NSD3: variants seen among roughly 807,000 people sequenced by gnomAD.
The protein encoded by NSD3 is nuclear receptor binding SET domain protein 3.
Under a neutral mutation model 160.8 loss-of-function variants are expected in NSD3, and 24 were observed. The ratio of observed to expected loss-of-function variants is 0.15; its 90% CI spans 0.11 to 0.21. The LOEUF (loss-of-function observed/expected upper bound fraction) is 0.21, where lower values mean the gene tolerates loss of function less well. Among genes scored for constraint, NSD3 ranks in the 10% least tolerant of loss-of-function variants. The pLI is 1.00. For synonymous variants in NSD3, 520 were observed against 600.0 expected, an observed-to-expected ratio of 0.87 and a Z score of 1.95; for missense variants, 1,157 against 1,735.9, an observed-to-expected ratio of 0.67 and a Z score of 5.93.
chr8:38,301,360 C>T (rs1423982240), intron 14 of NSD3, among the ~76,000 whole-genome samples: 1 of 152,184 alleles, frequency 6.6e-6, no homozygotes, highest in South Asian at 2.1e-4. Flanking sequence ...GGCGGATCAG[C>T]TGAGGTCGGG....
chr8:38,348,824 C>G (rs573302291), intron 1 of NSD3, among the ~76,000 whole-genome samples: 18 of 152,160 alleles, frequency 1.2e-4, no homozygotes, highest in African/African-American at 3.1e-4. Context: ...CCACGCCCAG[C>G]TAATTTTTGT....
intron 1 of NSD3, among the ~76,000 whole-genome samples, chr8:38,375,014 T>A (rs1007089456): frequency 6.6e-6 from 1 of 151,798 alleles, no homozygotes; most frequent in Middle Eastern, 3.2e-3. Context: ...GAAAAAAAAA[T>A]TTAAAAATAA....
At chr8:38,362,813 G>GT (rs1445201529) in intron 1 of NSD3, among the ~76,000 whole-genome samples, 6 of 152,122 alleles carry the variant, frequency 3.9e-5, no homozygotes, top group Non-Finnish European at 2.9e-5. Context: ...TATGAACAGC[G>GT]TAAGAGAAAC....
At chr8:38,370,380 A>ATTT (rs550018393) in intron 1 of NSD3, among the ~76,000 whole-genome samples, 3 of 137,410 alleles carry the variant, frequency 2.2e-5, no homozygotes, top group African/African-American at 5.3e-5. Flanking sequence ...GTCCAGGAGA[A>ATTT]TTTTTTTTTT....
rs1811242459 is a variant in NSD3, at chr8:38,371,536, C to T, written c.-45+10263G>A. 2.0e-5 allele frequency among the ~76,000 whole-genome samples: 3 copies of T among 152,266 alleles called. No individual in the cohort carries two copies. The East Asian group carries it at 5.8e-4, about 29-fold the overall frequency. ...TTCAAGATTTAAAATCGCTATCGCCCATGCAGGGGAAAAATTAGCAAGAAA... is the reference window on the plus strand; with the variant it reads ...TTCAAGATTTAAAATCGCTATCGCCTATGCAGGGGAAAAATTAGCAAGAAA... On this transcript the variant is annotated intron_variant, in intron 1 of 23. Transcript: ENST00000317025.
chr8:38,330,570 G>T (rs553975474), intron 5 of NSD3, among the ~76,000 whole-genome samples: 30 of 152,266 alleles, frequency 2.0e-4, no homozygotes, highest in African/African-American at 7.2e-4. Context: ...GAGCAATTAG[G>T]AATTATCCAG....
At chr8:38,350,222 A>T (rs1190459272) in intron 1 of NSD3, among the ~76,000 whole-genome samples, 1 of 152,160 alleles carries the variant, frequency 6.6e-6, no homozygotes, top group Non-Finnish European at 1.5e-5. Flanking sequence ...GCCTGGGTCA[A>T]ATGGTATTTC....
chr8:38,357,118 C>CAAAAAAAAAAAAAAAAAAAAAAAAAAAA (rs966483645), intron 1 of NSD3, among the ~76,000 whole-genome samples: 1 of 21,314 alleles, frequency 4.7e-5, no homozygotes, highest in Non-Finnish European at 8.3e-5. Context: ...GACACCATCT[C>CAAAAAAAAAAAAAAAAAAAAAAAAAAAA]AAAAAAAAAA....
intron 23 of NSD3, 87 bp downstream of exon 23, chr8:38,276,209 C>A: frequency 7.1e-7 from 1 of 1,400,220 alleles, no homozygotes; most frequent in African/African-American, 1.4e-5. Context: ...TTCAACATTT[C>A]CTATCCCATG....
chr8:38,316,921 G>A lies in NSD3; in HGVS notation c.1856-879C>T, dbSNP rs1471509582. Reference sequence around the variant, plus strand: ...GTATAGGCTATACAGAAACAGCCACGATGAAATGTGCAGATCAGGCACGGT... The same window carrying A: ...GTATAGGCTATACAGAAACAGCCACAATGAAATGTGCAGATCAGGCACGGT... On this transcript the variant is annotated intron_variant, in intron 9 of 23. Coordinates refer to ENST00000317025, the MANE Select transcript of NSD3 (RefSeq NM_023034.2). The surrounding 1 kb of genome is among the most constrained non-coding windows in gnomAD (Gnocchi z 4.5). 4 of 1,062,094 alleles carry A rather than the reference G, an allele frequency of 3.8e-6. No individual in the cohort carries two copies. The highest frequency in any genetic ancestry group is 4.6e-5 in the South Asian group (1 of 21,956). The allele number at this position is 1,062,094 out of a possible 1,614,324, so 65.8% of individuals were successfully genotyped here.
intron 20 of NSD3, 71 bp from the exon 21 acceptor site, chr8:38,279,752 G>A (rs552825743): frequency 6.6e-7 from 1 of 1,517,144 alleles, no homozygotes; most frequent in Non-Finnish European, 8.9e-7. Context: ...CTCAGTCAAG[G>A]ATCACAGGCA....
chr8:38,338,730 A>C, intron 2 of NSD3, 123 bp from the exon 3 acceptor site: 2 of 761,914 alleles, frequency 2.6e-6, no homozygotes, highest in Non-Finnish European at 4.5e-6. Flanking sequence ...GGCATTTATT[A>C]ACTGAACAAT....
At position 38,378,008 on chromosome 8, in the gene NSD3, C is replaced by T. The variant is rs74702456; in HGVS notation, c.-45+3791G>A. Among the ~76,000 whole-genome samples, 405 of 152,274 alleles carry T rather than the reference C, an allele frequency of 2.7e-3. 1 individual carries two copies. The highest frequency in any genetic ancestry group is 9.4e-3 in the African/African-American group (390 of 41,562). ...GAAAATATTTTAAGAGAAATATACA[C>T]ATACATGCATAGAAGTTTTCCAGAG... On this transcript the variant is annotated intron_variant, in intron 1 of 23. Transcript: ENST00000317025.
rs1809723751 is a variant in NSD3 at position 38,318,576 on chromosome 8, C to CA, written c.1855+318dup. On this transcript the variant is annotated intron_variant, in intron 9 of 23. Coordinates refer to ENST00000317025, the MANE Select transcript of NSD3 (RefSeq NM_023034.2). This position sits in a 1 kb window ranked among gnomAD's most constrained non-coding sequence, Gnocchi z 5.3. The stretch of plus-strand genomic sequence containing the variant: ...TACTATTCGGTATTCAGTCGAATAC[C>CA]AAAAAAAGTGGATTCGTCACATCCC... Among the ~76,000 whole-genome samples the CA allele has an allele frequency of 6.6e-6, 1 of 151,924 alleles. No homozygotes were observed.
At chr8:38,374,293 T>A (rs1396599269) in intron 1 of NSD3, among the ~76,000 whole-genome samples, 1 of 151,632 alleles carries the variant, frequency 6.6e-6, no homozygotes, top group East Asian at 1.9e-4. Context: ...ATAAAAAAAA[T>A]AAATAAATCT....
At chr8:38,347,471 T>A (rs199786689) in intron 2 of NSD3, 26 bp downstream of exon 2, 1 of 1,539,706 alleles carries the variant, frequency 6.5e-7, no homozygotes, top group African/African-American at 1.4e-5. Context: ...TATAACAAAA[T>A]TTTTCAAAAC....
chr8:38,349,902 T>C (rs1810641914), intron 1 of NSD3, among the ~76,000 whole-genome samples: 1 of 151,518 alleles, frequency 6.6e-6, no homozygotes, highest in Non-Finnish European at 1.5e-5. Context: ...GTTCTCACTG[T>C]TCAATTCCCA....
chr8:38,348,291 A>G, intron 1 of NSD3, 76 bp from the exon 2 acceptor site: 1 of 1,201,098 alleles, frequency 8.3e-7, no homozygotes, highest in Non-Finnish European at 1.1e-6. Context: ...AAAAAGGATT[A>G]AACTAAAATG....
chr8:38,283,111 G>A (rs896438913), intron 19 of NSD3, among the ~76,000 whole-genome samples: 8 of 152,196 alleles, frequency 5.3e-5, no homozygotes, highest in African/African-American at 1.2e-4. Flanking sequence ...CTTTCTCCAC[G>A]TCCTGTCTGC....
Sources: allele counts gnomAD v4.1 joint callset (sites outside exome capture counted in the v4.1 genomes callset), GRCh38; gene constraint gnomAD v4.1.1; non-coding constraint Gnocchi (gnomAD v3.1); transcripts MANE v1.5; gene names NCBI Gene and HGNC (gene_info 2026-07-23, HGNC 2026-07-21).